Variants in LINC00305 observed in about 807,000 individuals in gnomAD.
The protein encoded by LINC00305 is long independently transcribed non-coding RNA 305, also known as long intergenic non-protein coding RNA 305.
At chr18:64,104,922 C>T (rs2051283369) in intron 1 of LINC00305, among the ~76,000 whole-genome samples, 2 of 151,918 alleles carry the variant, frequency 1.3e-5, no homozygotes, top group African/African-American at 2.4e-5. Flanking sequence ...GTTCTATTCT[C>T]GGTGGTGGGG....
At chr18:64,087,750 A>G (rs2051208767) in intron 3 of LINC00305, among the ~76,000 whole-genome samples, 1 of 152,158 alleles carries the variant, frequency 6.6e-6, no homozygotes, top group Admixed American at 6.5e-5. Flanking sequence ...AGAATTAGAG[A>G]TAAGGAAATG....
intron 1 of LINC00305, among the ~76,000 whole-genome samples, chr18:64,114,309 C>T (rs2051328221): frequency 6.6e-6 from 1 of 152,136 alleles, no homozygotes; most frequent in Non-Finnish European, 1.5e-5. Context: ...TTCTCCCTGC[C>T]TGTATATTTA....
rs186628349 is a variant in LINC00305, at chr18:64,131,135, T to C, written n.314+17640A>G. Among the ~76,000 whole-genome samples the C allele has an allele frequency of 1.2e-3, 183 of 152,288 alleles. 4 individuals carry two copies. The highest frequency in any genetic ancestry group is 0.012 in the Admixed American group (177 of 15,276). On this transcript the variant is annotated intron_variant and non_coding_transcript_variant, in intron 1 of 3. Coordinates refer to ENST00000666468, the Ensembl canonical transcript of LINC00305. ...GAAGCCCTGCTACAAAAATGTGAGA[T>C]CTTACAGGTTAAAAGATAGAAATAA...
intron 1 of LINC00305, among the ~76,000 whole-genome samples, chr18:64,108,720 G>C (rs922356100): frequency 1.3e-5 from 2 of 152,240 alleles, no homozygotes; most frequent in African/African-American, 4.8e-5. Flanking sequence ...AGTGTTAGGT[G>C]TGTAGTAGAC....
intron 1 of LINC00305, among the ~76,000 whole-genome samples, chr18:64,134,813 A>C (rs946143572): frequency 6.6e-6 from 1 of 152,204 alleles, no homozygotes; most frequent in South Asian, 2.1e-4. Flanking sequence ...GAAAATCAAC[A>C]TCGAGTTATA....
intron 3 of LINC00305, among the ~76,000 whole-genome samples, chr18:64,083,465 A>G (rs1256393429): frequency 6.6e-6 from 1 of 152,242 alleles, no homozygotes; most frequent in African/African-American, 2.4e-5. Flanking sequence ...TTTAAACTCT[A>G]TAGTCTTCAA....
At chr18:64,084,609 A>G (rs2051196502) in intron 3 of LINC00305, among the ~76,000 whole-genome samples, 1 of 152,210 alleles carries the variant, frequency 6.6e-6, no homozygotes, top group East Asian at 1.9e-4. Context: ...TGGTTTATCA[A>G]TAAATCTTTG....
At position 64,106,803 on chromosome 18, in the gene LINC00305, T is replaced by C. The variant is rs184734549; in HGVS notation, n.315-8163A>G. On this transcript the variant is annotated intron_variant and non_coding_transcript_variant, in intron 1 of 3. Transcript: ENST00000666468. Reference sequence around the variant, plus strand: ...AGCAAGCAGAATAAGAAAAGAAAAATGAAACACAACTTTGTTTCATTCTTT... The same window carrying C: ...AGCAAGCAGAATAAGAAAAGAAAAACGAAACACAACTTTGTTTCATTCTTT... 1.3e-4 allele frequency among the ~76,000 whole-genome samples: 20 copies of C among 152,058 alleles called. No individual in the cohort carries two copies. The East Asian group carries it at 3.1e-3, about 24-fold the overall frequency.
chr18:64,102,804 A>G (rs1485863710), intron 1 of LINC00305, among the ~76,000 whole-genome samples: 4 of 152,178 alleles, frequency 2.6e-5, no homozygotes, highest in Admixed American at 2.6e-4. Flanking sequence ...TTTAACTACC[A>G]GATCTCACAA....
At chr18:64,120,799 A>T (rs537325748) in intron 1 of LINC00305, among the ~76,000 whole-genome samples, 31 of 152,120 alleles carry the variant, frequency 2.0e-4, no homozygotes, top group Non-Finnish European at 4.0e-4. Flanking sequence ...GCCAGTTGCC[A>T]GTTAAACCAG....
chr18:64,104,716 C>T (rs192919745), intron 1 of LINC00305, among the ~76,000 whole-genome samples: 1 of 152,308 alleles, frequency 6.6e-6, no homozygotes, highest in East Asian at 1.9e-4. Flanking sequence ...TTGGGAGCCT[C>T]CTTCAGGAGT....
At chr18:64,107,135 C>A (rs1215967391) in intron 1 of LINC00305, among the ~76,000 whole-genome samples, 1 of 152,212 alleles carries the variant, frequency 6.6e-6, no homozygotes, top group Non-Finnish European at 1.5e-5. Context: ...GAGAAAAGAG[C>A]TCAGATCCTT....
At chr18:64,116,630 T>C (rs1328913303) in intron 1 of LINC00305, among the ~76,000 whole-genome samples, 3 of 152,214 alleles carry the variant, frequency 2.0e-5, no homozygotes, top group Non-Finnish European at 4.4e-5. Context: ...ATATTTATAG[T>C]GTACTATGTG....
At chr18:64,097,894 C>A (rs1189206247) in exon 3 of LINC00305, 1 of 457,996 alleles carries the variant, frequency 2.2e-6, no homozygotes, top group Non-Finnish European at 4.4e-6. Flanking sequence ...TGACGCTTTG[C>A]ACATTTGACC....
intron 1 of LINC00305, chr18:64,104,014 A>C (rs1163433806): frequency 6.6e-6 from 1 of 152,212 alleles, no homozygotes; most frequent in Non-Finnish European, 1.5e-5. Context: ...GTCACAATGG[A>C]ATCTGGTGTA....
intron 1 of LINC00305, among the ~76,000 whole-genome samples, chr18:64,116,931 T>C (rs1054051948): frequency 2.6e-5 from 4 of 152,124 alleles, no homozygotes; most frequent in Non-Finnish European, 5.9e-5. Context: ...ACCACAAACC[T>C]CACTCCTTCA....
At chr18:64,126,037 G>T (rs2051383696) in intron 1 of LINC00305, among the ~76,000 whole-genome samples, 1 of 151,836 alleles carries the variant, frequency 6.6e-6, no homozygotes, top group Non-Finnish European at 1.5e-5. Context: ...CTGTTTCCTT[G>T]ATCTTGGGCT....
At chr18:64,123,886 C>A (rs1173298613) in intron 1 of LINC00305, among the ~76,000 whole-genome samples, 1 of 151,950 alleles carries the variant, frequency 6.6e-6, no homozygotes, top group South Asian at 2.1e-4. Flanking sequence ...TTAAAAAGAT[C>A]CTGACAGCAC....
intron 3 of LINC00305, among the ~76,000 whole-genome samples, chr18:64,087,787 T>G (rs926666857): frequency 6.6e-6 from 1 of 152,102 alleles, no homozygotes; most frequent in African/African-American, 2.4e-5. Flanking sequence ...TAACCATTAC[T>G]CAATAGAAAT....
Sources: allele counts gnomAD v4.1 joint callset (sites outside exome capture counted in the v4.1 genomes callset), GRCh38; gene constraint gnomAD v4.1.1; transcripts MANE v1.5; gene names NCBI Gene and HGNC (gene_info 2026-07-23, HGNC 2026-07-21).